Variants in EPHB3 observed in about 807,000 individuals in gnomAD.
The protein encoded by EPHB3 is EPH receptor B3.
Under a neutral mutation model 100.2 loss-of-function variants are expected in EPHB3, and 33 were observed. That is an observed-to-expected ratio of 0.33 (90% CI 0.25 to 0.44). The LOEUF (loss-of-function observed/expected upper bound fraction) is 0.44, where lower values mean the gene tolerates loss of function less well. Among genes scored for constraint, EPHB3 ranks in the 20% least tolerant of loss-of-function variants. The pLI, the probability that EPHB3 is intolerant of heterozygous loss-of-function variation, is 1.00. For missense variants in EPHB3, 1,045 were observed against 1,378.3 expected (o/e 0.76, Z 3.83); for synonymous variants, 526 against 554.7 (o/e 0.95, Z 0.73).
At position 184,579,981 on chromosome 3, in the gene EPHB3, T is replaced by G. The variant is rs961522279; in HGVS notation, c.2172+47T>G. On this transcript the variant is annotated intron_variant, in intron 11 of 15. Transcript: ENST00000330394. The surrounding 1 kb of genome is among the most constrained non-coding windows in gnomAD (Gnocchi z 5.2). The stretch of plus-strand genomic sequence containing the variant: ...CTCTCCCTCCCCCAGAGAGTTGGAT[T>G]GGGCTCACCATCCCCTCCCACAAGT... The G allele has an allele frequency of 3.9e-5, 62 of 1,583,174 alleles. No homozygotes were observed. Among genetic ancestry groups the G allele is most frequent in the Non-Finnish European group, 5.1e-5 (60 of 1,165,898 alleles).
intron 1 of EPHB3, among the ~76,000 whole-genome samples, chr3:184,566,955 G>A (rs546749406): frequency 1.6e-4 from 24 of 152,264 alleles, no homozygotes; most frequent in Admixed American, 1.3e-3. Flanking sequence ...CAGGTGGTAG[G>A]CCCTCAGCTG....
Position 184,577,537 on chromosome 3 carries a change from A to G in EPHB3, c.1479+70A>G. 6.2e-7 allele frequency: 1 copy of G among 1,601,178 alleles called. No individual in the cohort carries two copies. The highest frequency in any genetic ancestry group is 1.3e-5 in the African/African-American group (1 of 74,778). On this transcript the variant is annotated intron_variant, in intron 6 of 15. Transcript: ENST00000330394. The surrounding 1 kb of genome is among the most constrained non-coding windows in gnomAD (Gnocchi z 4.9). The stretch of plus-strand genomic sequence containing the variant: ...CTGAGAAAATTACCCCCGGATCATG[A>G]TGGGGCCCTTGGGAGCAAGGCCTTG...
rs775630363 is a variant in EPHB3, at chr3:184,579,865, C to T, written c.2103C>T (p.Val701=). ...HPNIIRLEGV[V]TKSRPVMILT... ...ATATAATCCGGCTCGAGGGCGTGGT[C>T]ACCAAAAGTCGGCCAGTTATGATCC... is the stretch of plus-strand genomic sequence containing the variant. The change falls in exon 11 of 16, where the codon GTC becomes GTT. Residue 701 remains valine, a synonymous_variant. Transcript: ENST00000330394. The surrounding 1 kb of genome is among the most constrained non-coding windows in gnomAD (Gnocchi z 5.2). The T allele has an allele frequency of 1.2e-6, 2 of 1,613,770 alleles. No homozygotes were observed. Among genetic ancestry groups the T allele is most frequent in the Admixed American group, 3.3e-5 (2 of 59,980 alleles).
At chr3:184,575,161 TG>T (rs1157263280) in intron 3 of EPHB3, 4 of 985,276 alleles carry the variant, frequency 4.1e-6, no homozygotes, top group Non-Finnish European at 4.8e-6. Flanking sequence ...GAGGGAAGAC[TG>T]GGGAGAAGGG....
intron 13 of EPHB3, 45 bp from the exon 14 acceptor site, chr3:184,580,927 G>T (rs1403151823): frequency 6.2e-7 from 1 of 1,607,528 alleles, no homozygotes; most frequent in Non-Finnish European, 8.5e-7. Context: ...GCTGGCTGGG[G>T]ATCATGGCAG....
chr3:184,575,264 T>C (rs1714643128), intron 3 of EPHB3: 1 of 980,832 alleles, frequency 1.0e-6, no homozygotes, highest in African/African-American at 1.8e-5. Context: ...CCTGCCTGCT[T>C]TCTTTCTCTC....
chr3:184,577,045 A>G lies in EPHB3; in HGVS notation c.1216A>G (p.Thr406Ala). The change falls in exon 5 of 16, where the codon ACG (threonine) becomes GCG (alanine). Residue 406 changes from threonine to alanine, a missense_variant. Coordinates refer to ENST00000330394, the MANE Select transcript of EPHB3 (RefSeq NM_004443.4). This position sits in a 1 kb window ranked among gnomAD's most constrained non-coding sequence, Gnocchi z 4.9. ...VEFVPRQLGL[T>A]ERRVHISHLL... ...GTTTGTGCCTCGGCAGCTGGGCCTGACGGAGCGCCGGGTCCACATCAGCCA... is the reference window on the plus strand; with the variant it reads ...GTTTGTGCCTCGGCAGCTGGGCCTGGCGGAGCGCCGGGTCCACATCAGCCA... 1 of 1,613,816 alleles carries G rather than the reference A, an allele frequency of 6.2e-7. No individual in the cohort carries two copies. Among genetic ancestry groups the G allele is most frequent in the Non-Finnish European group, 8.5e-7 (1 of 1,179,962 alleles).
chr3:184,571,294 C>G lies in EPHB3; in HGVS notation c.119-24C>G. The G allele has an allele frequency of 1.9e-6, 3 of 1,613,514 alleles. No individual in the cohort carries two copies. In the South Asian group the frequency reaches 3.3e-5, roughly 18 times the overall value. Reference sequence around the variant, plus strand: ...TCCTCAACCTGAGATTAGTCCCTGACCTTTTTCTCCGTTGTTCCTCCAGAG... The same window carrying G: ...TCCTCAACCTGAGATTAGTCCCTGAGCTTTTTCTCCGTTGTTCCTCCAGAG... On this transcript the variant is annotated intron_variant, in intron 1 of 15. Transcript: ENST00000330394. This position sits in a 1 kb window ranked among gnomAD's most constrained non-coding sequence, Gnocchi z 5.0.
rs371321162 is a variant in EPHB3 at position 184,572,912 on chromosome 3, G to A, written c.592G>A (p.Ala198Thr). 5.8e-6 allele frequency: 9 copies of A among 1,564,402 alleles called. No individual in the cohort carries two copies. The Admixed American group carries it at 7.3e-5, about 13-fold the overall frequency. Residue 198 changes from alanine to threonine, a missense_variant, in exon 3 of 16, where the codon GCC (alanine) becomes ACC (threonine). Ala to Thr is a moderately conservative substitution (Grantham distance 58). Transcript: ENST00000330394. The surrounding 1 kb of genome is among the most constrained non-coding windows in gnomAD (Gnocchi z 6.6). ...CTACCTGGCCTTCCAGGACCAGGGC[G>A]CCTGCATGTCGCTCATCTCCGTGCG... ...GFYLAFQDQG[A>T]CMSLISVRAF...
At chr3:184,570,590 GC>G (rs1480090619) in intron 1 of EPHB3, among the ~76,000 whole-genome samples, 5 of 152,228 alleles carry the variant, frequency 3.3e-5, no homozygotes, top group African/African-American at 1.2e-4. Flanking sequence ...GCCTGTCACT[GC>G]CCTCCCCTTC....
chr3:184,580,869 C>T lies in EPHB3; in HGVS notation c.2529C>T (p.Ser843=), dbSNP rs1250728886. 3 of 1,613,706 alleles carry T rather than the reference C, an allele frequency of 1.9e-6. No individual in the cohort carries two copies. The highest frequency in any genetic ancestry group is 2.5e-6 in the Non-Finnish European group (3 of 1,179,744). Residue 843 remains serine, a synonymous_variant, in exon 13 of 16, where the codon AGC becomes AGT. Coordinates refer to ENST00000330394, the MANE Select transcript of EPHB3 (RefSeq NM_004443.4). Reference sequence around the variant, plus strand: ...GAGAGCGACCCTACTGGGACATGAGCAACCAGGATGTGAGTGAGGCTACGC... The same window carrying T: ...GAGAGCGACCCTACTGGGACATGAGTAACCAGGATGTGAGTGAGGCTACGC... The part of the protein sequence containing the change: ...SYGERPYWDM[S]NQDVINAVEQ...
intron 1 of EPHB3, among the ~76,000 whole-genome samples, chr3:184,570,351 C>G (rs1330661547): frequency 6.6e-6 from 1 of 152,206 alleles, no homozygotes; most frequent in East Asian, 1.9e-4. Flanking sequence ...CCTGATCCAC[C>G]CTTGTCCCCT....
intron 3 of EPHB3, 37 bp from the exon 4 acceptor site, chr3:184,575,793 G>T: frequency 6.4e-7 from 1 of 1,550,694 alleles, no homozygotes; most frequent in Non-Finnish European, 8.7e-7. Context: ...CTGCAGGGAA[G>T]GGAGGTGAGC....
chr3:184,568,648 G>A (rs1714457973), intron 1 of EPHB3, among the ~76,000 whole-genome samples: 1 of 147,834 alleles, frequency 6.8e-6, no homozygotes. Context: ...GGCACCCCAG[G>A]GCTGAGGAGG....
chr3:184,569,181 T>TCTGGCGGGCGGA lies in EPHB3; in HGVS notation c.119-2136_119-2135insTGGCGGGCGGAC, dbSNP rs1714475118. 7.5e-6 allele frequency among the ~76,000 whole-genome samples: 1 copy of TCTGGCGGGCGGA among 133,300 alleles called. No individual in the cohort carries two copies. The highest frequency in any genetic ancestry group is 2.7e-5 in the African/African-American group (1 of 37,260). 87.4% of individuals were successfully genotyped at this position (133,300 alleles called of 152,430 possible). On this transcript the variant is annotated intron_variant, in intron 1 of 15. Coordinates refer to ENST00000330394, the MANE Select transcript of EPHB3 (RefSeq NM_004443.4). The surrounding 1 kb of genome is among the most constrained non-coding windows in gnomAD (Gnocchi z 5.4). The stretch of plus-strand genomic sequence containing the variant: ...GGGAGCGGCTGGAGCCCCGGCCTGC[T>TCTGGCGGGCGGA]CCGGCGGGCGGACCGGCGGGCGGAC...
In EPHB3 at chr3:184,581,307, A is replaced by G. The variant is rs35919889; in HGVS notation, c.2787A>G (p.Thr929=). The stretch of plus-strand genomic sequence containing the variant: ...TCCCAGATTACACAACCTTCACGAC[A>G]GTTGGTGATTGGCTGGATGCCATCA... The part of the protein sequence containing the change: ...RTVPDYTTFT[T]VGDWLDAIKM... The change falls in exon 15 of 16, where the codon ACA becomes ACG. Residue 929 remains threonine, a synonymous_variant. Transcript: ENST00000330394. 2.4e-4 allele frequency: 386 copies of G among 1,609,048 alleles called. 1 individual carries two copies. In the African/African-American group the frequency reaches 4.5e-3, roughly 19 times the overall value.
rs746516826 is a variant in EPHB3 at position 184,579,873 on chromosome 3, G to T, written c.2111G>T (p.Ser704Ile). ...IIRLEGVVTK[S>I]RPVMILTEFM... The stretch of plus-strand genomic sequence containing the variant: ...CGGCTCGAGGGCGTGGTCACCAAAA[G>T]TCGGCCAGTTATGATCCTCACTGAG... Residue 704 changes from serine to isoleucine, a missense_variant, in exon 11 of 16, where the codon AGT (serine) becomes ATT (isoleucine). Ser to Ile is a moderately radical substitution (Grantham distance 142). Coordinates refer to ENST00000330394, the MANE Select transcript of EPHB3 (RefSeq NM_004443.4). The surrounding 1 kb of genome is among the most constrained non-coding windows in gnomAD (Gnocchi z 5.2). 3.1e-6 allele frequency: 5 copies of T among 1,613,822 alleles called. No individual in the cohort carries two copies. The highest frequency in any genetic ancestry group is 4.2e-6 in the Non-Finnish European group (5 of 1,179,980).
In EPHB3 at chr3:184,575,887, C is replaced by G; in HGVS notation, c.914C>G (p.Pro305Arg). 1 of 1,613,648 alleles carries G rather than the reference C, an allele frequency of 6.2e-7. No homozygotes were observed. The highest frequency in any genetic ancestry group is 8.5e-7 in the Non-Finnish European group (1 of 1,179,816). ...KQGEGPCLPC[P>R]PNSRTTSPAA... ...GGAGAGGGGCCCTGCCTCCCATGTC[C>G]CCCCAACAGCCGTACCACCTCCCCA... Residue 305 changes from proline to arginine, a missense_variant, in exon 4 of 16, where the codon CCC becomes CGC. Physicochemically the swap from Pro to Arg is moderately radical, Grantham distance 103 (BLOSUM62 -2). Coordinates refer to ENST00000330394, the MANE Select transcript of EPHB3 (RefSeq NM_004443.4).
Position 184,571,224 on chromosome 3 carries a change from G to A in EPHB3, c.119-94G>A, listed in dbSNP as rs1714531367. ...CTGCCTCAGACTCCCAAAGTGCTGG[G>A]ATTACAGGTGTGAGCCACTTCGCTC... On this transcript the variant is annotated intron_variant, in intron 1 of 15. Coordinates refer to ENST00000330394, the MANE Select transcript of EPHB3 (RefSeq NM_004443.4). This position sits in a 1 kb window ranked among gnomAD's most constrained non-coding sequence, Gnocchi z 5.0. 7.8e-7 allele frequency: 1 copy of A among 1,289,912 alleles called. No individual in the cohort carries two copies. The highest frequency in any genetic ancestry group is 1.7e-5 in the Admixed American group (1 of 57,940). 79.9% of individuals were successfully genotyped at this position (1,289,912 alleles called of 1,614,324 possible).
Sources: allele counts gnomAD v4.1 joint callset (sites outside exome capture counted in the v4.1 genomes callset), GRCh38; gene constraint gnomAD v4.1.1; non-coding constraint Gnocchi (gnomAD v3.1); transcripts MANE v1.5; gene names NCBI Gene and HGNC (gene_info 2026-07-23, HGNC 2026-07-21).